The following IQCM variants were observed in gnomAD, a reference collection of about 807,000 sequenced individuals.
IQCM encodes the protein IQ motif containing M.
In IQCM, 45 loss-of-function variants were observed where a neutral mutation model predicts 57.6. The ratio of observed to expected loss-of-function variants is 0.78; its 90% confidence interval spans 0.62 to 1.00. The LOEUF (loss-of-function observed/expected upper bound fraction) is 1.00. Ranked by LOEUF, IQCM falls within the 50% of genes least tolerant of loss-of-function variation. IQCM has a pLI of 0.00. For synonymous variants in IQCM, 148 were observed against 158.9 expected (o/e 0.93, Z 0.51); for missense variants, 468 against 511.6 (o/e 0.91, Z 0.82).
chr4:149,664,174 G>A (rs2150160607), intron 7 of IQCM, among the ~76,000 whole-genome samples: 1 of 151,908 alleles, frequency 6.6e-6, no homozygotes, highest in Non-Finnish European at 1.5e-5. Context: ...CTCTTTATTG[G>A]ATTTCTTGTT....
chr4:149,397,347 C>T (rs1273867204), intron 13 of IQCM, among the ~76,000 whole-genome samples: 1 of 151,904 alleles, frequency 6.6e-6, no homozygotes. Flanking sequence ...TATAGTTTGA[C>T]TCTGTGTCCC....
intron 12 of IQCM, among the ~76,000 whole-genome samples, chr4:149,510,287 A>T (rs1744272241): frequency 6.6e-6 from 1 of 152,130 alleles, no homozygotes; most frequent in South Asian, 2.1e-4. Context: ...GAAATTCTTT[A>T]TAATAAAATT....
At chr4:149,525,293 T>C (rs999096973) in intron 12 of IQCM, among the ~76,000 whole-genome samples, 36 of 151,912 alleles carry the variant, frequency 2.4e-4, no homozygotes, top group African/African-American at 8.0e-4. Flanking sequence ...AAAAAGTATA[T>C]TTATTTTAGG....
chr4:149,684,940 G>C (rs756069186), intron 6 of IQCM, among the ~76,000 whole-genome samples: 10 of 151,346 alleles, frequency 6.6e-5, no homozygotes, highest in African/African-American at 1.5e-4. Context: ...ACATGCACTT[G>C]CTCTTAATTT....
At chr4:149,365,939 A>G (rs1451485575) in intron 13 of IQCM, among the ~76,000 whole-genome samples, 1 of 152,140 alleles carries the variant, frequency 6.6e-6, no homozygotes, top group East Asian at 1.9e-4. Context: ...AACCAGTGAA[A>G]TCCAAATAAA....
intron 13 of IQCM, among the ~76,000 whole-genome samples, chr4:149,388,926 C>T (rs1432047191): frequency 2.0e-5 from 3 of 150,990 alleles, no homozygotes; most frequent in African/African-American, 4.9e-5. Context: ...TCTCCCAATC[C>T]GTGGGTTGTC....
intron 13 of IQCM, among the ~76,000 whole-genome samples, chr4:149,361,890 G>A (rs979102599): frequency 1.3e-5 from 2 of 152,126 alleles, no homozygotes; most frequent in Non-Finnish European, 2.9e-5. Flanking sequence ...TCAACAGCTT[G>A]CACCGTGTGC....
intron 13 of IQCM, among the ~76,000 whole-genome samples, chr4:149,423,613 C>T (rs1455336349): frequency 2.6e-5 from 4 of 152,004 alleles, no homozygotes; most frequent in Admixed American, 2.6e-4. Flanking sequence ...CATTGCTTAG[C>T]AGAACAACGG....
chr4:149,801,592 C>T (rs909023152), intron 2 of IQCM, among the ~76,000 whole-genome samples: 14 of 152,072 alleles, frequency 9.2e-5, no homozygotes, highest in Admixed American at 7.2e-4. Context: ...TTTGCAACAA[C>T]GTGGATGCAG....
intron 13 of IQCM, among the ~76,000 whole-genome samples, chr4:149,400,742 A>G (rs1732562224): frequency 6.6e-6 from 1 of 152,022 alleles, no homozygotes; most frequent in Admixed American, 6.6e-5. Context: ...ATTAAAGTCA[A>G]TAAATATTAA....
At chr4:149,813,655 C>T (rs549328697) in intron 2 of IQCM, among the ~76,000 whole-genome samples, 9 of 152,166 alleles carry the variant, frequency 5.9e-5, no homozygotes, top group African/African-American at 2.2e-4. Flanking sequence ...TATATGTCTT[C>T]CCCTACTCCA....
In IQCM at chr4:149,481,701, G is replaced by GTTTTTTTTTT. The variant is rs57465501; in HGVS notation, c.1229-48154_1229-48145dup. Among the ~76,000 whole-genome samples the GTTTTTTTTTT allele has an allele frequency of 7.7e-3, 399 of 51,506 alleles. 66 individuals carry two copies. Among genetic ancestry groups the GTTTTTTTTTT allele is most frequent in the Non-Finnish European group, 0.012 (327 of 27,324 alleles). 33.8% of individuals were successfully genotyped at this position (51,506 alleles called of 152,430 possible). On this transcript the variant is annotated intron_variant, in intron 12 of 13. Coordinates refer to ENST00000636793, the MANE Select transcript of IQCM (RefSeq NM_001363507.2). ...CATGTAATGTGATTCTTCCAGTTTT[G>GTTTTTTTTTT]TTTTTTTTTTTTTTTTTTTTTGCTT...
intron 12 of IQCM, among the ~76,000 whole-genome samples, chr4:149,535,103 A>T: frequency 6.6e-6 from 1 of 152,214 alleles, no homozygotes; most frequent in East Asian, 1.9e-4. Context: ...TGACTTAAAC[A>T]AACTGAGTGA....
At chr4:149,427,554 C>T (rs757932554) in intron 13 of IQCM, among the ~76,000 whole-genome samples, 1 of 151,948 alleles carries the variant, frequency 6.6e-6, no homozygotes. Context: ...AGAACACAAC[C>T]ATTTCACTAA....
intron 12 of IQCM, among the ~76,000 whole-genome samples, chr4:149,470,837 T>G (rs1444044185): frequency 6.6e-6 from 1 of 152,142 alleles, no homozygotes; most frequent in Non-Finnish European, 1.5e-5. Context: ...CTCAATTACA[T>G]GGAAACTGAA....
chr4:149,435,304 C>G (rs1262219061), intron 12 of IQCM, among the ~76,000 whole-genome samples: 1 of 151,964 alleles, frequency 6.6e-6, no homozygotes, highest in African/African-American at 2.4e-5. Flanking sequence ...TGCTGCATAA[C>G]AACATTTCAG....
intron 7 of IQCM, among the ~76,000 whole-genome samples, chr4:149,647,818 C>T (rs888621324): frequency 1.3e-5 from 2 of 152,280 alleles, no homozygotes. Flanking sequence ...ATTGTCCCTA[C>T]AGATGTGGCC....
intron 9 of IQCM, among the ~76,000 whole-genome samples, chr4:149,577,746 T>G (rs1157005855): frequency 1.3e-5 from 2 of 151,934 alleles, no homozygotes; most frequent in Admixed American, 6.6e-5. Context: ...TTTAAAAGAG[T>G]TTTTTCTAAT....
intron 7 of IQCM, among the ~76,000 whole-genome samples, chr4:149,623,344 T>C (rs1756510900): frequency 6.6e-6 from 1 of 152,188 alleles, no homozygotes; most frequent in African/African-American, 2.4e-5. Context: ...CATTTTCAAA[T>C]GTTTTATCTT....
Sources: gnomAD v4.1 joint callset for allele counts (sites outside exome capture counted in the v4.1 genomes callset) on GRCh38, gnomAD v4.1.1 for gene constraint, MANE v1.5 for transcripts, NCBI Gene and HGNC (gene_info 2026-07-23, HGNC 2026-07-21) for gene names.